The following FRMD4B variants were observed in gnomAD, a reference collection of about 807,000 sequenced individuals.
FRMD4B encodes the protein FERM domain-containing protein 4B.
FRMD4B carries 74 observed loss-of-function variants against 141.5 expected under a neutral mutation model. That is an observed-to-expected ratio of 0.52 (90% confidence interval 0.43 to 0.63). The LOEUF is 0.63. Ranked by LOEUF, FRMD4B falls within the 30% of genes least tolerant of loss-of-function variation. The pLI is 0.00. For synonymous variants in FRMD4B, 506 were observed against 467.9 expected, an observed-to-expected ratio of 1.08 and a Z score of -1.05; for missense variants, 1,366 against 1,253.4, an observed-to-expected ratio of 1.09 and a Z score of -1.36.
chr3:69,520,031 C>CAT (rs1363260568), intron 1 of FRMD4B, among the ~76,000 whole-genome samples: 3 of 86,644 alleles, frequency 3.5e-5, no homozygotes, highest in South Asian at 6.4e-4. Flanking sequence ...TATATTCCAT[C>CAT]ATATATATAT....
intron 7 of FRMD4B, among the ~76,000 whole-genome samples, chr3:69,231,476 C>T (rs1472097510): frequency 2.6e-5 from 4 of 152,136 alleles, no homozygotes; most frequent in African/African-American, 7.2e-5. Context: ...TTAGTAGAGA[C>T]GGGGTTTCGC....
At position 69,352,230 on chromosome 3, in the gene FRMD4B, C is replaced by T. The variant is rs149025074; in HGVS notation, c.162+33598G>A. The stretch of plus-strand genomic sequence containing the variant: ...CAGAACAGGATCATTTATAATGAGG[C>T]CTTAGGTCACCATAATGTCACTCTG... On this transcript the variant is annotated intron_variant, in intron 1 of 22. Coordinates refer to ENST00000398540, the MANE Select transcript of FRMD4B (RefSeq NM_015123.3). Among the ~76,000 whole-genome samples, 622 of 152,204 alleles carry T rather than the reference C, an allele frequency of 4.1e-3. 3 individuals are homozygous for T. The highest frequency in any genetic ancestry group is 0.013 in the African/African-American group (555 of 41,522).
intron 1 of FRMD4B, among the ~76,000 whole-genome samples, chr3:69,351,179 C>T (rs1703137006): frequency 6.6e-6 from 1 of 152,126 alleles, no homozygotes; most frequent in Admixed American, 6.5e-5. Flanking sequence ...TGCCAAATCA[C>T]ATAAACATAT....
chr3:69,346,043 G>A (rs1702927752), intron 1 of FRMD4B, among the ~76,000 whole-genome samples: 1 of 152,064 alleles, frequency 6.6e-6, no homozygotes, highest in African/African-American at 2.4e-5. Context: ...CAAGCTAAAG[G>A]AGGAAGTTTG....
In FRMD4B at chr3:69,290,707, G is replaced by A. The variant is rs185587166; in HGVS notation, c.417-2871C>T. On this transcript the variant is annotated intron_variant, in intron 4 of 22. Coordinates refer to ENST00000398540, the MANE Select transcript of FRMD4B (RefSeq NM_015123.3). ...GCCTGCAATGTGCTAAGTGCTTCCC[G>A]ATTGTTCTCTCATTTAATTATCACA... Among the ~76,000 whole-genome samples the A allele has an allele frequency of 1.3e-3, 205 of 152,276 alleles. 1 individual carries two copies. Among genetic ancestry groups the A allele is most frequent in the Non-Finnish European group, 1.9e-3 (130 of 68,020 alleles).
chr3:69,359,589 T>C (rs942052220), intron 1 of FRMD4B, among the ~76,000 whole-genome samples: 8 of 152,196 alleles, frequency 5.3e-5, no homozygotes, highest in Non-Finnish European at 1.5e-5. Context: ...ATTACTCATA[T>C]TCCCCTCTAG....
At position 69,202,897 on chromosome 3, in the gene FRMD4B, CAA is replaced by C. The variant is rs2092983165; in HGVS notation, c.877-4125_877-4124del. Among the ~76,000 whole-genome samples the C allele has an allele frequency of 2.6e-5, 4 of 151,904 alleles. No homozygotes were observed. In the Middle Eastern group the frequency reaches 0.014, roughly 517 times the overall value. On this transcript the variant is annotated intron_variant, in intron 11 of 22. Coordinates refer to ENST00000398540, the MANE Select transcript of FRMD4B (RefSeq NM_015123.3). ...AGAGGAGCAGCATAAATAACATTAA[CAA>C]AGAGATAATCAAGAAATTACAACAG...
intron 1 of FRMD4B, among the ~76,000 whole-genome samples, chr3:69,366,338 T>C (rs1051677401): frequency 1.3e-5 from 2 of 152,146 alleles, no homozygotes; most frequent in African/African-American, 4.8e-5. Context: ...ATGTAATTAT[T>C]AAAAATTAAT....
At chr3:69,397,499 T>C (rs931274240) in intron 2 of FRMD4B, among the ~76,000 whole-genome samples, 7 of 152,154 alleles carry the variant, frequency 4.6e-5, no homozygotes, top group African/African-American at 1.7e-4. Flanking sequence ...ATCAATCGAT[T>C]AATAATGAAA....
chr3:69,214,353 G>T lies in FRMD4B; in HGVS notation c.876+1910C>A, dbSNP rs28413509. On this transcript the variant is annotated intron_variant, in intron 11 of 22. Coordinates refer to ENST00000398540, the MANE Select transcript of FRMD4B (RefSeq NM_015123.3). ...TGTGATAATGCAGGTAGCTGACCAT[G>T]GTCTGTTATTAGAGGCCATTGTTTT... is the stretch of plus-strand genomic sequence containing the variant. Among the ~76,000 whole-genome samples the T allele has an allele frequency of 8.6e-3, 1,304 of 152,248 alleles. 16 individuals are homozygous for T. The highest frequency in any genetic ancestry group is 0.029 in the African/African-American group (1,209 of 41,556).
chr3:69,427,653 T>TG (rs1553642074), intron 2 of FRMD4B, among the ~76,000 whole-genome samples: 1 of 120,928 alleles, frequency 8.3e-6, no homozygotes, highest in African/African-American at 3.3e-5. Flanking sequence ...GTTTTTTTTT[T>TG]TTTTTTTTTT....
At position 69,193,938 on chromosome 3, in the gene FRMD4B, G is replaced by T. The variant is rs968397377; in HGVS notation, c.1489-65C>A. On this transcript the variant is annotated intron_variant, in intron 16 of 22. Transcript: ENST00000398540. ...TACAATCAACTCTTACATGCATTGTGTAATAAAACTTCCTGTGCACTTTCT... is the reference window on the plus strand; with the variant it reads ...TACAATCAACTCTTACATGCATTGTTTAATAAAACTTCCTGTGCACTTTCT... The T allele has an allele frequency of 1.6e-5, 16 of 979,254 alleles. No individual in the cohort carries two copies. In the African/African-American group the frequency reaches 2.3e-4, roughly 14 times the overall value. 60.7% of individuals were successfully genotyped at this position (979,254 alleles called of 1,614,324 possible). A position where few individuals can be genotyped will look rare whatever the true frequency, so the allele number is the denominator to read the frequency against.
chr3:69,541,789 T>TCCC lies in FRMD4B; in HGVS notation c.-129+414_-129+416dup, dbSNP rs56146632. On this transcript the variant is annotated intron_variant, in intron 1 of 5. Transcript: ENST00000459638. ...GTGTCCTCTGCTAACTCCAGGGATTTCCCCCCCCTCTTTTCGCTGCCTTTT... is the reference window on the plus strand; with the variant it reads ...GTGTCCTCTGCTAACTCCAGGGATTTCCCCCCCCCCCTCTTTTCGCTGCCTTTT... Among the ~76,000 whole-genome samples the TCCC allele has an allele frequency of 6.5e-3, 958 of 148,260 alleles. 8 individuals carry two copies. Among genetic ancestry groups the TCCC allele is most frequent in the African/African-American group, 0.013 (538 of 39,986 alleles).
At chr3:69,533,318 G>A (rs904729492) in intron 1 of FRMD4B, among the ~76,000 whole-genome samples, 14 of 152,294 alleles carry the variant, frequency 9.2e-5, no homozygotes, top group African/African-American at 3.1e-4. Flanking sequence ...GCAACATGGT[G>A]GCAAAGAGCA....
chr3:69,507,877 T>C (rs145794760), intron 1 of FRMD4B, among the ~76,000 whole-genome samples: 1 of 152,020 alleles, frequency 6.6e-6, no homozygotes, highest in Non-Finnish European at 1.5e-5. Flanking sequence ...GTAAGAAAAA[T>C]TAAGGTTTTT....
chr3:69,420,064 C>T (rs1704944423), intron 2 of FRMD4B, among the ~76,000 whole-genome samples: 1 of 152,110 alleles, frequency 6.6e-6, no homozygotes, highest in Non-Finnish European at 1.5e-5. Context: ...ACCATGTTGG[C>T]CAGGCTGCTC....
chr3:69,187,107 C>A (rs1224081533), intron 19 of FRMD4B, among the ~76,000 whole-genome samples: 2 of 152,196 alleles, frequency 1.3e-5, no homozygotes, highest in Admixed American at 1.3e-4. Flanking sequence ...ACTTTAACGA[C>A]AATTTCCTTA....
chr3:69,254,166 AT>A (rs1219640427), intron 5 of FRMD4B, among the ~76,000 whole-genome samples: 4 of 151,940 alleles, frequency 2.6e-5, no homozygotes, highest in Admixed American at 2.6e-4. Flanking sequence ...GTGCAGTGGT[AT>A]GATCTTGGCT....
intron 11 of FRMD4B, among the ~76,000 whole-genome samples, chr3:69,214,509 G>C (rs1395271393): frequency 6.6e-6 from 1 of 152,086 alleles, no homozygotes; most frequent in African/African-American, 2.4e-5. Flanking sequence ...GATCTATATG[G>C]ATTCTTCAAC....
Sources: gnomAD v4.1 joint callset for allele counts (sites outside exome capture counted in the v4.1 genomes callset) on GRCh38, gnomAD v4.1.1 for gene constraint, MANE v1.5 for transcripts, NCBI Gene and HGNC (gene_info 2026-07-23, HGNC 2026-07-21) for gene names.